The following TRPM3 variants were observed in gnomAD, a reference collection of about 807,000 sequenced individuals.
TRPM3 encodes the protein transient receptor potential cation channel subfamily M member 3.
In TRPM3, 77 loss-of-function variants were observed where a neutral mutation model predicts 181.2. That is an observed-to-expected ratio of 0.42 (90% CI 0.35 to 0.51). The LOEUF is 0.51. Among genes scored for constraint, TRPM3 ranks in the 20% least tolerant of loss-of-function variants. TRPM3 has a pLI of 0.01. For missense variants in TRPM3, 1,759 were observed against 2,196.7 expected (o/e 0.80, Z 3.98); for synonymous variants, 745 against 796.4 (o/e 0.94, Z 1.09).
In TRPM3 at chr9:71,298,382, G is replaced by A. The variant is rs1170466895; in HGVS notation, c.183+148271C>T. Among the ~76,000 whole-genome samples, 4 of 151,866 alleles carry A rather than the reference G, an allele frequency of 2.6e-5. No homozygotes were observed. The East Asian group carries it at 7.7e-4, about 29-fold the overall frequency. ...AGATATTTGTCTAAGCTCAAGGGAT[G>A]AATATGGTCCTGGGCACAGTAAAAG... On this transcript the variant is annotated intron_variant, in intron 1 of 24. Transcript: ENST00000357533.
At chr9:70,691,986 T>C (rs1357464187) in intron 8 of TRPM3, among the ~76,000 whole-genome samples, 1 of 152,200 alleles carries the variant, frequency 6.6e-6, no homozygotes, top group Non-Finnish European at 1.5e-5. Flanking sequence ...AATCCATGGC[T>C]TTAGGCTGCT....
At chr9:70,751,939 C>A (rs928273723) in intron 8 of TRPM3, among the ~76,000 whole-genome samples, 1 of 150,906 alleles carries the variant, frequency 6.6e-6, no homozygotes, top group Non-Finnish European at 1.5e-5. Context: ...GAGGAGTCTT[C>A]TGTTGAGCAT....
intron 6 of TRPM3, 85 bp downstream of exon 6, chr9:70,827,762 T>A (rs2093641385): frequency 6.8e-7 from 1 of 1,476,256 alleles, no homozygotes. Flanking sequence ...CAAGTTTTTA[T>A]TACATTGCTG....
intron 9 of TRPM3, among the ~76,000 whole-genome samples, chr9:70,651,875 T>C (rs551365175): frequency 6.6e-6 from 1 of 152,178 alleles, no homozygotes; most frequent in African/African-American, 2.4e-5. Context: ...GGTAGAAGAG[T>C]GTTCTGATCA....
chr9:71,093,173 G>T (rs1262839117), intron 1 of TRPM3, among the ~76,000 whole-genome samples: 2 of 152,050 alleles, frequency 1.3e-5, no homozygotes, highest in Non-Finnish European at 2.9e-5. Flanking sequence ...ACATAGGCAT[G>T]GGGAAAGACT....
chr9:71,433,151 C>A (rs2093982924), intron 1 of TRPM3, among the ~76,000 whole-genome samples: 1 of 152,168 alleles, frequency 6.6e-6, no homozygotes, highest in Non-Finnish European at 1.5e-5. Context: ...TTCTTTGCAG[C>A]CATGAATGAC....
At chr9:71,114,780 C>T (rs549042052) in intron 1 of TRPM3, among the ~76,000 whole-genome samples, 28 of 152,170 alleles carry the variant, frequency 1.8e-4, no homozygotes, top group Middle Eastern at 3.4e-3. Flanking sequence ...TTCATTATAG[C>T]GGAATAAAGA....
chr9:71,375,186 G>T (rs1430865072), intron 1 of TRPM3, among the ~76,000 whole-genome samples: 2 of 152,114 alleles, frequency 1.3e-5, no homozygotes, highest in Non-Finnish European at 2.9e-5. Context: ...TAGACCATTG[G>T]AACAGAATAG....
At chr9:70,976,970 A>G (rs1054888864) in intron 1 of TRPM3, among the ~76,000 whole-genome samples, 1 of 152,308 alleles carries the variant, frequency 6.6e-6, no homozygotes, top group African/African-American at 2.4e-5. Flanking sequence ...CCACAGTGCT[A>G]TTCCTCTCTC....
chr9:70,860,880 T>C (rs2095503508), intron 3 of TRPM3, among the ~76,000 whole-genome samples: 1 of 152,166 alleles, frequency 6.6e-6, no homozygotes, highest in Non-Finnish European at 1.5e-5. Flanking sequence ...TCATCCCGTT[T>C]AATGCTTATG....
At chr9:71,413,769 A>G (rs1442533118) in intron 1 of TRPM3, among the ~76,000 whole-genome samples, 2 of 151,990 alleles carry the variant, frequency 1.3e-5, no homozygotes, top group Non-Finnish European at 2.9e-5. Context: ...TCAAGGTGCC[A>G]TTTTGGAAGC....
intron 1 of TRPM3, among the ~76,000 whole-genome samples, chr9:71,133,345 A>AGTGCAGTG (rs56040326): frequency 0.35 from 43,062 of 123,738 alleles, 7,998 homozygotes; most frequent in Middle Eastern, 0.56. Flanking sequence ...CCCAGGCTGG[A>AGTGCAGTG]GTGCAGTGGC....
intron 1 of TRPM3, among the ~76,000 whole-genome samples, chr9:71,254,428 G>T (rs1001979221): frequency 1.3e-5 from 2 of 152,092 alleles, no homozygotes; most frequent in Non-Finnish European, 2.9e-5. Flanking sequence ...TGTACAACAC[G>T]GTGACTTAGT....
At chr9:70,577,166 G>C (rs962460999) in intron 22 of TRPM3, among the ~76,000 whole-genome samples, 1 of 152,230 alleles carries the variant, frequency 6.6e-6, no homozygotes, top group Non-Finnish European at 1.5e-5. Context: ...AGATGTAACT[G>C]CTATGAAGTA....
chr9:70,896,655 T>G (rs1019887828), intron 1 of TRPM3, among the ~76,000 whole-genome samples: 2 of 152,222 alleles, frequency 1.3e-5, no homozygotes, highest in Non-Finnish European at 2.9e-5. Flanking sequence ...ATAGAGGTAC[T>G]TAATCACAAC....
intron 1 of TRPM3, among the ~76,000 whole-genome samples, chr9:71,373,021 C>T (rs929312521): frequency 1.3e-5 from 2 of 152,156 alleles, no homozygotes; most frequent in East Asian, 3.8e-4. Flanking sequence ...TGCTGAATGA[C>T]TCTTGGGTAA....
Position 70,549,680 on chromosome 9 carries a change from G to GAAAAA in TRPM3, c.3575-11_3575-7dup. 1 of 1,247,108 alleles carries GAAAAA rather than the reference G, an allele frequency of 8.0e-7. No individual in the cohort carries two copies. The highest frequency in any genetic ancestry group is 1.5e-5 in the South Asian group (1 of 66,486). The allele number at this position is 1,247,108 out of a possible 1,614,324, so 77.3% of individuals were successfully genotyped here. A position where few individuals can be genotyped will look rare whatever the true frequency, so the allele number is the denominator to read the frequency against. ...ATCATCGGTTATGAAGAGTTCTGTG[G>GAAAAA]AAAAAAAAAAAAAGGAAGTCTTGAG... On this transcript the variant is annotated splice_region_variant and splice_polypyrimidine_tract_variant and intron_variant, in intron 24 of 25. Coordinates refer to ENST00000677713, the MANE Select transcript of TRPM3 (RefSeq NM_001366145.2).
chr9:70,953,980 T>G (rs2097034607), intron 1 of TRPM3, among the ~76,000 whole-genome samples: 1 of 152,144 alleles, frequency 6.6e-6, no homozygotes, highest in Non-Finnish European at 1.5e-5. Context: ...CAGTGGGTCT[T>G]CTCAGGCTGG....
At chr9:70,668,234 A>T (rs2062131789) in intron 9 of TRPM3, among the ~76,000 whole-genome samples, 1 of 152,138 alleles carries the variant, frequency 6.6e-6, no homozygotes, top group Admixed American at 6.5e-5. Flanking sequence ...GATTCCATGA[A>T]CTTCTAGCAT....
Sources: allele counts gnomAD v4.1 joint callset (sites outside exome capture counted in the v4.1 genomes callset), GRCh38; gene constraint gnomAD v4.1.1; transcripts MANE v1.5; gene names NCBI Gene and HGNC (gene_info 2026-07-23, HGNC 2026-07-21).